The following HERC4 variants were observed in gnomAD, a reference collection of about 807,000 sequenced individuals.
HERC4 encodes the protein probable E3 ubiquitin-protein ligase HERC4.
In HERC4, 28 loss-of-function variants were observed where a neutral mutation model predicts 124.3. The ratio of observed to expected loss-of-function variants is 0.23; its 90% CI spans 0.17 to 0.31. The LOEUF (loss-of-function observed/expected upper bound fraction) is 0.31. Ranked by LOEUF, HERC4 falls within the 10% of genes least tolerant of loss-of-function variation. HERC4 has a pLI of 1.00. For missense variants in HERC4, 713 were observed against 1,229.3 expected, an observed-to-expected ratio of 0.58 and a Z score of 6.28; for synonymous variants, 407 against 421.5, an observed-to-expected ratio of 0.97 and a Z score of 0.42.
chr10:67,990,869 G>T, intron 13 of HERC4, 35 bp downstream of exon 13: 1 of 1,369,668 alleles, frequency 7.3e-7, no homozygotes, highest in South Asian at 1.3e-5. Context: ...AAAATCAACA[G>T]ATAATACTGT....
At chr10:68,073,740 A>T (rs1405239496) in intron 1 of HERC4, 54 bp from the exon 2 acceptor site, 1 of 152,240 alleles carries the variant, frequency 6.6e-6, no homozygotes, top group Non-Finnish European at 1.5e-5. Flanking sequence ...TCCACAATTT[A>T]AACGACTCTC....
chr10:67,968,236 G>C (rs575967685), intron 15 of HERC4, among the ~76,000 whole-genome samples: 1 of 152,236 alleles, frequency 6.6e-6, no homozygotes, highest in South Asian at 2.1e-4. Flanking sequence ...CAAAATCTAT[G>C]TGCAAATTCC....
intron 4 of HERC4, chr10:68,039,913 C>T: frequency 1.0e-6 from 1 of 982,496 alleles, no homozygotes; most frequent in African/African-American, 1.7e-5. Flanking sequence ...CAAAATACTA[C>T]ATTCTCACAG....
At chr10:67,939,526 A>T in intron 21 of HERC4, 62 bp downstream of exon 21, 1 of 1,144,384 alleles carries the variant, frequency 8.7e-7, no homozygotes, top group Non-Finnish European at 1.3e-6. Flanking sequence ...AAACCCTAAG[A>T]CACGGCTGTT....
intron 15 of HERC4, among the ~76,000 whole-genome samples, chr10:67,971,079 G>A (rs1406614268): frequency 6.6e-6 from 1 of 151,986 alleles, no homozygotes; most frequent in Non-Finnish European, 1.5e-5. Context: ...AGATATCTTG[G>A]TAAAACTGAC....
chr10:68,016,029 G>T (rs35223188), intron 8 of HERC4, among the ~76,000 whole-genome samples: 9,614 of 152,176 alleles, frequency 0.063, 335 homozygotes, highest in East Asian at 0.11. Context: ...CTTGAACCTG[G>T]AAGGCAGAGG....
chr10:68,003,551 A>G (rs940914117), intron 9 of HERC4, among the ~76,000 whole-genome samples: 1 of 151,808 alleles, frequency 6.6e-6, no homozygotes, highest in Admixed American at 6.6e-5. Context: ...CTATCATTCT[A>G]TTCTCTATCT....
chr10:68,073,173 G>T lies in HERC4; in HGVS notation c.-65C>A. On this transcript the variant is annotated 5_prime_UTR_variant, in exon 3 of 25. Coordinates refer to ENST00000373700, the MANE Select transcript of HERC4 (RefSeq NM_015601.4). ...TCTCTTCTGAAACCCCGGAAAGTTGGAGGTACCCTATGTCTGAGGAAATAG... is the reference window on the plus strand; with the variant it reads ...TCTCTTCTGAAACCCCGGAAAGTTGTAGGTACCCTATGTCTGAGGAAATAG... 7.9e-7 allele frequency: 1 copy of T among 1,273,678 alleles called. No homozygotes were observed. The highest frequency in any genetic ancestry group is 1.1e-6 in the Non-Finnish European group (1 of 892,928). 78.9% of individuals were successfully genotyped at this position (1,273,678 alleles called of 1,614,324 possible).
intron 3 of HERC4, among the ~76,000 whole-genome samples, chr10:68,048,052 G>A (rs781392935): frequency 6.6e-6 from 1 of 151,610 alleles, no homozygotes; most frequent in Non-Finnish European, 1.5e-5. Context: ...CAGGGTAGCT[G>A]GGACTACAAG....
intron 9 of HERC4, chr10:68,010,351 C>T (rs971930487): frequency 6.4e-6 from 6 of 943,388 alleles, no homozygotes; most frequent in Middle Eastern, 3.1e-4. Context: ...GGCCCTGAGG[C>T]CATAGGAAAG....
At chr10:67,986,003 G>C (rs1289460885) in intron 15 of HERC4, among the ~76,000 whole-genome samples, 1 of 152,154 alleles carries the variant, frequency 6.6e-6, no homozygotes, top group African/African-American at 2.4e-5. Flanking sequence ...CAGATACAAG[G>C]TGTCTTTGAA....
At chr10:67,960,462 C>T (rs544105855) in intron 16 of HERC4, among the ~76,000 whole-genome samples, 4 of 152,068 alleles carry the variant, frequency 2.6e-5, no homozygotes, top group African/African-American at 7.2e-5. Flanking sequence ...CTCGTCTCAC[C>T]GCAACCTCTG....
intron 20 of HERC4, 50 bp downstream of exon 20, chr10:67,940,889 C>G: frequency 2.0e-6 from 3 of 1,498,660 alleles, no homozygotes; most frequent in Non-Finnish European, 2.7e-6. Flanking sequence ...ACCTTCCCCA[C>G]TTTTTACCTC....
chr10:67,968,746 T>C (rs911393204), intron 15 of HERC4, among the ~76,000 whole-genome samples: 1 of 152,022 alleles, frequency 6.6e-6, no homozygotes, highest in African/African-American at 2.4e-5. Context: ...TTCATAATAA[T>C]AAAAGGATTA....
At chr10:67,992,107 G>A (rs1025408785) in intron 11 of HERC4, 92 bp downstream of exon 11, 13 of 1,217,554 alleles carry the variant, frequency 1.1e-5, no homozygotes, top group Non-Finnish European at 1.5e-5. Flanking sequence ...ATGTTGCCCA[G>A]GCTGGTCTCC....
chr10:67,940,239 T>C (rs1045978961), intron 20 of HERC4, among the ~76,000 whole-genome samples: 2 of 152,100 alleles, frequency 1.3e-5, no homozygotes, highest in Non-Finnish European at 2.9e-5. Context: ...TTGTCCTAAC[T>C]TATATAAAAT....
intron 24 of HERC4, among the ~76,000 whole-genome samples, chr10:67,923,527 A>T (rs983868805): frequency 6.6e-6 from 1 of 152,064 alleles, no homozygotes; most frequent in South Asian, 2.1e-4. Context: ...TATTTTTTTT[A>T]AATCAGAAAT....
intron 7 of HERC4, among the ~76,000 whole-genome samples, chr10:68,026,957 C>A (rs1233436956): frequency 6.6e-6 from 1 of 151,956 alleles, no homozygotes; most frequent in Non-Finnish European, 1.5e-5. Flanking sequence ...CGAGATCATA[C>A]CACTGCACTC....
Position 67,992,295 on chromosome 10 carries a change from C to A in HERC4, c.1175G>T (p.Cys392Phe), listed in dbSNP as rs771300990. Reference sequence around the variant, plus strand: ...CCAGATCTGCTTTGTCGGATTGGGACATCTGAAGTCATCTGGTGGCCCACA... The same window carrying A: ...CCAGATCTGCTTTGTCGGATTGGGAAATCTGAAGTCATCTGGTGGCCCACA... Reference protein sequence around the residue: ...QNCGPPDDFRCPNPTKQIWTV... With the variant: ...QNCGPPDDFRFPNPTKQIWTV... The change falls in exon 11 of 25, where the codon TGT becomes TTT. Residue 392 changes from cysteine (C) to phenylalanine (F), a missense_variant. By Grantham distance (205) the Cys-to-Phe change is radical. Transcript: ENST00000373700. The A allele has an allele frequency of 1.9e-6, 3 of 1,613,740 alleles. No individual in the cohort carries two copies. The African/African-American group carries it at 4.0e-5, about 22-fold the overall frequency.
Sources: gnomAD v4.1 joint callset for allele counts (sites outside exome capture counted in the v4.1 genomes callset) on GRCh38, gnomAD v4.1.1 for gene constraint, MANE v1.5 for transcripts, NCBI Gene and HGNC (gene_info 2026-07-23, HGNC 2026-07-21) for gene names.